Variants in SLC7A11 observed in about 807,000 individuals in gnomAD.
SLC7A11 encodes cystine/glutamate transporter.
Under a neutral mutation model 54.5 loss-of-function variants are expected in SLC7A11, and 35 were observed. The observed-to-expected ratio is 0.64, with a 90% CI of 0.49 to 0.85. SLC7A11 has a LOEUF of 0.85. Among genes scored for constraint, SLC7A11 ranks in the 40% least tolerant of loss-of-function variants. The probability of loss-of-function intolerance (pLI) is 0.00; values close to 1 mark genes in which losing one functional copy is unlikely to be tolerated. For missense variants in SLC7A11, 583 were observed against 618.1 expected (o/e 0.94, Z 0.60); for synonymous variants, 230 against 225.2 (o/e 1.02, Z -0.19).
intron 4 of SLC7A11, 60 bp downstream of exon 4, chr4:138,223,139 T>C (rs1027996250): frequency 6.7e-7 from 1 of 1,493,164 alleles, no homozygotes; most frequent in Non-Finnish European, 9.2e-7. Context: ...CAAAAGTTAG[T>C]GTTAAAAAAG....
Position 138,232,366 on chromosome 4 carries a change from C to A in SLC7A11, c.421G>T (p.Val141Leu). Residue 141 changes from valine (V) to leucine (L), a missense_variant, in exon 3 of 12, where the codon GTG (valine) becomes TTG (leucine). By Grantham distance (32) the Val-to-Leu change is conservative. Coordinates refer to ENST00000280612, the MANE Select transcript of SLC7A11 (RefSeq NM_014331.4). ...LLIIRPAATA[V>L]ISLAFGRYIL... is the part of the protein sequence containing the mutation. ...TAGCGTCCAAATGCCAGGGATATCA[C>A]AGCAGTAGCTGCAGGGCTAAAAAAA... 1.2e-6 allele frequency: 2 copies of A among 1,607,586 alleles called. No homozygotes were observed. The highest frequency in any genetic ancestry group is 1.7e-6 in the Non-Finnish European group (2 of 1,174,262).
chr4:138,200,133 C>T (rs1206594985), intron 6 of SLC7A11, among the ~76,000 whole-genome samples: 1 of 152,038 alleles, frequency 6.6e-6, no homozygotes, highest in Non-Finnish European at 1.5e-5. Flanking sequence ...TTACTTGCCT[C>T]AGGCCAGAAT....
rs1251299255 is a variant in SLC7A11 at position 138,168,204 on chromosome 4, T to C, written c.*3752A>G. Reference sequence around the variant, plus strand: ...CTAATACAAAGTTAGGTTCAGGACCTCGAATGGAACATGTCTAAGTGAGAG... The same window carrying C: ...CTAATACAAAGTTAGGTTCAGGACCCCGAATGGAACATGTCTAAGTGAGAG... On this transcript the variant is annotated 3_prime_UTR_variant, in exon 12 of 12. Transcript: ENST00000280612. The C allele has an allele frequency of 3.3e-5, 5 of 152,218 alleles. No individual in the cohort carries two copies. Among genetic ancestry groups the C allele is most frequent in the African/African-American group, 4.8e-5 (2 of 41,454 alleles). The allele number at this position is 152,218 out of a possible 1,614,324, so 9.4% of individuals were successfully genotyped here.
chr4:138,208,541 T>A (rs970749917), intron 6 of SLC7A11, among the ~76,000 whole-genome samples: 1 of 152,062 alleles, frequency 6.6e-6, no homozygotes, highest in Non-Finnish European at 1.5e-5. Context: ...ACAAAAGTCA[T>A]GTCATAAGGC....
chr4:138,237,761 T>A lies in SLC7A11; in HGVS notation c.278-1310A>T, dbSNP rs1388760956. Among the ~76,000 whole-genome samples, 4 of 61,310 alleles carry A rather than the reference T, an allele frequency of 6.5e-5. No homozygotes were observed. In the South Asian group the frequency reaches 1.8e-3, roughly 28 times the overall value. 40.2% of individuals were successfully genotyped at this position (61,310 alleles called of 152,430 possible). A position where few individuals can be genotyped will look rare whatever the true frequency, so the allele number is the denominator to read the frequency against. On this transcript the variant is annotated intron_variant, in intron 1 of 11. Coordinates refer to ENST00000280612, the MANE Select transcript of SLC7A11 (RefSeq NM_014331.4). ...TATTTTTTTTTTTTTTTTTTTTTTT[T>A]TTTTTTTGAGATGGAGTCTCACTCT...
chr4:138,214,178 C>T (rs7695989), intron 6 of SLC7A11, among the ~76,000 whole-genome samples: 61,797 of 151,444 alleles, frequency 0.41, 13,512 homozygotes, highest in Middle Eastern at 0.61. Context: ...CACTTTAATT[C>T]GATAGTTATG....
chr4:138,198,098 A>G (rs570019233), intron 6 of SLC7A11, among the ~76,000 whole-genome samples: 161 of 151,546 alleles, frequency 1.1e-3, no homozygotes, highest in Admixed American at 2.6e-3. Flanking sequence ...TAAAAAAAAA[A>G]TCCATTCCAG....
chr4:138,208,900 G>A (rs1438976034), intron 6 of SLC7A11, among the ~76,000 whole-genome samples: 1 of 151,970 alleles, frequency 6.6e-6, no homozygotes, highest in African/African-American at 2.4e-5. Flanking sequence ...GAAAGATCAT[G>A]GCAAAATTTC....
intron 3 of SLC7A11, among the ~76,000 whole-genome samples, chr4:138,223,822 C>T (rs2148446543): frequency 6.6e-6 from 1 of 152,272 alleles, no homozygotes; most frequent in Non-Finnish European, 1.5e-5. Flanking sequence ...TAGCCTCAGG[C>T]AGCACTTTTC....
At position 138,172,429 on chromosome 4, in the gene SLC7A11, A is replaced by AT. The variant is rs1364373114; in HGVS notation, c.1445-413dup. ...GAATCTGGAGGAGAATCAGAATGTA[A>AT]TTTTCATTCTCTAACTTGTAACATG... On this transcript the variant is annotated intron_variant, in intron 11 of 11. Coordinates refer to ENST00000280612, the MANE Select transcript of SLC7A11 (RefSeq NM_014331.4). 2.0e-5 allele frequency among the ~76,000 whole-genome samples: 3 copies of AT among 152,290 alleles called. No individual in the cohort carries two copies. The East Asian group carries it at 5.8e-4, about 29-fold the overall frequency.
intron 11 of SLC7A11, chr4:138,178,274 C>CTTCCAG (rs1313804180): frequency 6.6e-6 from 1 of 152,092 alleles, no homozygotes; most frequent in Non-Finnish European, 1.5e-5. Context: ...AGAATAATGG[C>CTTCCAG]TTCCAGCTTC....
chr4:138,196,707 G>A (rs549264855), intron 6 of SLC7A11, among the ~76,000 whole-genome samples: 6 of 151,718 alleles, frequency 4.0e-5, no homozygotes, highest in African/African-American at 1.4e-4. Flanking sequence ...TCACCCGGGC[G>A]GGAGTGCAAT....
rs972835475 is a variant in SLC7A11 at position 138,231,554 on chromosome 4, A to G, written c.520+713T>C. On this transcript the variant is annotated intron_variant, in intron 3 of 11. Coordinates refer to ENST00000280612, the MANE Select transcript of SLC7A11 (RefSeq NM_014331.4). The stretch of plus-strand genomic sequence containing the variant: ...TTCTTAAGACAGTGATTCAAATGGC[A>G]CCTAGAATTAAGTTATCCTTTCCCA... Among the ~76,000 whole-genome samples the G allele has an allele frequency of 1.8e-4, 28 of 152,170 alleles. 1 individual carries two copies. The highest frequency in any genetic ancestry group is 5.8e-4 in the African/African-American group (24 of 41,452).
intron 6 of SLC7A11, among the ~76,000 whole-genome samples, chr4:138,189,212 G>A (rs1736950652): frequency 6.6e-6 from 1 of 152,104 alleles, no homozygotes; most frequent in Admixed American, 6.6e-5. Context: ...ATGATGGCAG[G>A]CAACTTATGT....
rs1408021246 is a variant in SLC7A11, at chr4:138,167,498, C to T, written c.*4458G>A. ...TACAGTACTAATAAACTAAGGACTA[C>T]CTAGAGATCACACTTTTAGATATTA... On this transcript the variant is annotated 3_prime_UTR_variant, in exon 12 of 12. Coordinates refer to ENST00000280612, the MANE Select transcript of SLC7A11 (RefSeq NM_014331.4). The T allele has an allele frequency of 6.6e-6, 1 of 151,988 alleles. No homozygotes were observed. The highest frequency in any genetic ancestry group is 1.5e-5 in the Non-Finnish European group (1 of 67,988). 9.4% of individuals were successfully genotyped at this position (151,988 alleles called of 1,614,324 possible).
intron 3 of SLC7A11, among the ~76,000 whole-genome samples, chr4:138,226,367 G>C (rs1737948777): frequency 6.6e-6 from 1 of 152,090 alleles, no homozygotes; most frequent in African/African-American, 2.4e-5. Flanking sequence ...TACATTTAAA[G>C]CATGTGTGGT....
At chr4:138,214,710 G>T in intron 5 of SLC7A11, 81 bp from the exon 6 acceptor site, 1 of 463,134 alleles carries the variant, frequency 2.2e-6, no homozygotes, top group Non-Finnish European at 3.7e-6. Context: ...ATTTAACATT[G>T]AACCCAGAAT....
chr4:138,214,508 T>C (rs1737632250), intron 6 of SLC7A11, 77 bp downstream of exon 6: 5 of 795,652 alleles, frequency 6.3e-6, no homozygotes, highest in Non-Finnish European at 1.0e-5. Context: ...GAATTCCTTC[T>C]TCAAGTCTGC....
chr4:138,215,784 C>G (rs1737666006), intron 5 of SLC7A11, among the ~76,000 whole-genome samples: 1 of 151,594 alleles, frequency 6.6e-6, no homozygotes, highest in Admixed American at 6.6e-5. Flanking sequence ...CACTAAAAAA[C>G]AAACACCACC....
Sources: gnomAD v4.1 joint callset for allele counts (sites outside exome capture counted in the v4.1 genomes callset) on GRCh38, gnomAD v4.1.1 for gene constraint, MANE v1.5 for transcripts, NCBI Gene and HGNC (gene_info 2026-07-23, HGNC 2026-07-21) for gene names.